Variants in MAD1L1 observed in about 807,000 individuals in gnomAD.
MAD1L1 encodes the protein mitotic arrest deficient 1 like 1, also known as mitotic spindle assembly checkpoint protein MAD1.
Under a neutral mutation model 96.9 loss-of-function variants are expected in MAD1L1, and 95 were observed. The observed-to-expected ratio is 0.98, with a 90% CI of 0.83 to 1.16. The LOEUF is 1.16. MAD1L1 is among the 50% of genes most tolerant of loss of function. MAD1L1 has a pLI of 0.00. For missense variants in MAD1L1, 1,007 were observed against 954.4 expected (o/e 1.06, Z -0.73); for synonymous variants, 473 against 396.6 (o/e 1.19, Z -2.29).
intron 12 of MAD1L1, 25 bp downstream of exon 12, chr7:2,069,169 A>G: frequency 6.5e-7 from 1 of 1,548,844 alleles, no homozygotes; most frequent in South Asian, 1.2e-5. Context: ...TGCGACTCTG[A>G]TCAAGATGTA....
chr7:1,940,305 T>C (rs1278760155), intron 16 of MAD1L1: 1 of 152,252 alleles, frequency 6.6e-6, no homozygotes, highest in Admixed American at 6.5e-5. Flanking sequence ...TTCACAGGTT[T>C]TCTGAGAACC....
At chr7:2,056,269 G>T (rs78173333) in intron 12 of MAD1L1, among the ~76,000 whole-genome samples, 4,388 of 152,324 alleles carry the variant, frequency 0.029, 104 homozygotes, top group Non-Finnish European at 0.043. Context: ...TATTAAAAAA[G>T]AAAGAGCAAG....
At chr7:1,860,992 C>G (rs373455791) in intron 18 of MAD1L1, among the ~76,000 whole-genome samples, 2 of 152,200 alleles carry the variant, frequency 1.3e-5, no homozygotes, top group African/African-American at 4.8e-5. Context: ...GCAGCTGCCC[C>G]GATGGAGTCC....
intron 11 of MAD1L1, among the ~76,000 whole-genome samples, chr7:2,129,907 C>A (rs1378235653): frequency 1.3e-5 from 2 of 152,178 alleles, no homozygotes; most frequent in Non-Finnish European, 2.9e-5. Flanking sequence ...TCATGGTTCC[C>A]ATGGCACCCG....
At chr7:1,845,849 G>A (rs1583536498) in intron 18 of MAD1L1, 2 of 152,764 alleles carry the variant, frequency 1.3e-5, no homozygotes, top group East Asian at 1.9e-4. Context: ...GCCAGGAGCT[G>A]TTTCTGGGGA....
chr7:1,847,214 C>T (rs866960022), intron 18 of MAD1L1: 10 of 469,080 alleles, frequency 2.1e-5, no homozygotes, highest in Middle Eastern at 3.4e-4. Flanking sequence ...GGCCACACAT[C>T]TTTTCCAACT....
At chr7:2,101,893 C>T (rs979794757) in intron 11 of MAD1L1, among the ~76,000 whole-genome samples, 1 of 152,166 alleles carries the variant, frequency 6.6e-6, no homozygotes, top group Non-Finnish European at 1.5e-5. Context: ...ACATACCAGG[C>T]AGGAGAAGGA....
intron 11 of MAD1L1, among the ~76,000 whole-genome samples, chr7:2,087,955 A>G (rs749211639): frequency 1.3e-5 from 2 of 152,180 alleles, no homozygotes; most frequent in Non-Finnish European, 1.5e-5. Flanking sequence ...GGTGCCTCTG[A>G]GAAGATCCAG....
intron 17 of MAD1L1, among the ~76,000 whole-genome samples, chr7:1,927,660 C>T (rs902132801): frequency 1.3e-5 from 2 of 152,150 alleles, no homozygotes; most frequent in African/African-American, 4.8e-5. Flanking sequence ...GTAGCTTGAA[C>T]TCAAGCTCAC....
At chr7:2,126,240 G>T (rs1184072360) in intron 11 of MAD1L1, among the ~76,000 whole-genome samples, 1 of 152,238 alleles carries the variant, frequency 6.6e-6, no homozygotes, top group Non-Finnish European at 1.5e-5. Flanking sequence ...TCAGTGCGCG[G>T]CCCATGGACG....
At chr7:2,161,065 C>T (rs915324351) in intron 10 of MAD1L1, among the ~76,000 whole-genome samples, 1 of 151,760 alleles carries the variant, frequency 6.6e-6, no homozygotes, top group East Asian at 1.9e-4. Flanking sequence ...TATATCACTG[C>T]AAGGTTTCCT....
At chr7:2,197,873 G>A (rs1358723186) in intron 10 of MAD1L1, among the ~76,000 whole-genome samples, 2 of 152,036 alleles carry the variant, frequency 1.3e-5, no homozygotes, top group Non-Finnish European at 2.9e-5. Context: ...CCCTGCCTGA[G>A]AGCCAAAACT....
intron 17 of MAD1L1, among the ~76,000 whole-genome samples, chr7:1,924,897 A>C (rs1182034233): frequency 6.6e-6 from 1 of 152,192 alleles, no homozygotes; most frequent in Admixed American, 6.5e-5. Flanking sequence ...TTATAAGTGC[A>C]CCGTGAAATG....
chr7:1,858,036 G>A (rs1784343814), intron 18 of MAD1L1, among the ~76,000 whole-genome samples: 1 of 152,218 alleles, frequency 6.6e-6, no homozygotes, highest in Non-Finnish European at 1.5e-5. Context: ...TAATTATGAC[G>A]GAGTAAACAA....
chr7:1,874,841 A>G (rs10950415), intron 18 of MAD1L1, among the ~76,000 whole-genome samples: 60,222 of 151,826 alleles, frequency 0.4, 12,374 homozygotes, highest in Admixed American at 0.51. Context: ...GAGGAGGGGA[A>G]GGCAGGGAGA....
intron 12 of MAD1L1, among the ~76,000 whole-genome samples, chr7:2,064,105 G>A (rs992913400): frequency 1.3e-5 from 2 of 152,152 alleles, no homozygotes; most frequent in African/African-American, 2.4e-5. Flanking sequence ...TAACCCTGCC[G>A]AGACACTGAA....
chr7:2,208,759 T>C (rs1044751915), intron 10 of MAD1L1, among the ~76,000 whole-genome samples: 1 of 152,082 alleles, frequency 6.6e-6, no homozygotes, highest in Non-Finnish European at 1.5e-5. Context: ...GGCCTCTCTG[T>C]ATTACTCCTC....
At chr7:2,221,075 G>C (rs1293263863) in intron 5 of MAD1L1, 2 of 1,584,602 alleles carry the variant, frequency 1.3e-6, no homozygotes, top group Non-Finnish European at 1.7e-6. Flanking sequence ...GCTTCCCTGA[G>C]GAGCGGCCAC....
intron 18 of MAD1L1, among the ~76,000 whole-genome samples, chr7:1,886,343 A>G (rs939712735): frequency 1.3e-5 from 2 of 152,244 alleles, no homozygotes; most frequent in Admixed American, 1.3e-4. Context: ...AGAAGGAAAG[A>G]ACAGGGCAGC....
Sources: allele counts gnomAD v4.1 joint callset (sites outside exome capture counted in the v4.1 genomes callset), GRCh38; gene constraint gnomAD v4.1.1; transcripts MANE v1.5; gene names NCBI Gene and HGNC (gene_info 2026-07-23, HGNC 2026-07-21).